ATP10B: variants seen among roughly 807,000 people sequenced by gnomAD.
ATP10B encodes the protein phospholipid-transporting ATPase VB.
Under a neutral mutation model 141.2 loss-of-function variants are expected in ATP10B, and 122 were observed. The observed-to-expected ratio is 0.86, with a 90% CI of 0.75 to 1.00. The LOEUF (loss-of-function observed/expected upper bound fraction) is 1.00. Ranked by LOEUF, ATP10B falls within the 50% of genes least tolerant of loss-of-function variation. The probability of loss-of-function intolerance (pLI) is 0.00; values close to 1 mark genes in which losing one functional copy is unlikely to be tolerated. For missense variants in ATP10B, 1,876 were observed against 1,825.3 expected, an observed-to-expected ratio of 1.03 and a Z score of -0.51; for synonymous variants, 685 against 692.0, an observed-to-expected ratio of 0.99 and a Z score of 0.16.
At chr5:160,837,663 A>C (rs547283175) in intron 1 of ATP10B, among the ~76,000 whole-genome samples, 2 of 152,290 alleles carry the variant, frequency 1.3e-5, no homozygotes, top group African/African-American at 4.8e-5. Flanking sequence ...TTTGCAAAGA[A>C]GTCATCCTAC....
chr5:160,870,044 G>C, the ATP10B span, among the ~76,000 whole-genome samples: 1 of 152,122 alleles, frequency 6.6e-6, no homozygotes, highest in Non-Finnish European at 1.5e-5. Context: ...TAAACTGTTG[G>C]AATATGATCA....
intron 2 of ATP10B, among the ~76,000 whole-genome samples, chr5:160,770,759 T>C (rs551046827): frequency 1.3e-5 from 2 of 152,314 alleles, no homozygotes; most frequent in Non-Finnish European, 2.9e-5. Context: ...AAATAGTTGA[T>C]CTAAATAGTA....
intron 2 of ATP10B, among the ~76,000 whole-genome samples, chr5:160,726,102 C>T (rs529016711): frequency 2.6e-5 from 4 of 152,222 alleles, no homozygotes; most frequent in African/African-American, 4.8e-5. Context: ...CTGAGAGACG[C>T]GCGAGCCTAA....
Position 160,612,735 on chromosome 5 carries a change from C to A in ATP10B, c.2838+6G>T. 6.2e-7 allele frequency: 1 copy of A among 1,606,654 alleles called. No homozygotes were observed. The highest frequency in any genetic ancestry group is 8.5e-7 in the Non-Finnish European group (1 of 1,173,918). On this transcript the variant is annotated splice_donor_region_variant and intron_variant, in intron 18 of 25. Coordinates refer to ENST00000327245, the MANE Select transcript of ATP10B (RefSeq NM_025153.3). Reference sequence around the variant, plus strand: ...CTGCAGATATCAATACAGAGAATCACCTCACCTGATTCTCTGTATTGATGG... The same window carrying A: ...CTGCAGATATCAATACAGAGAATCAACTCACCTGATTCTCTGTATTGATGG...
At chr5:160,754,630 A>G (rs1768387760) in intron 2 of ATP10B, among the ~76,000 whole-genome samples, 2 of 152,236 alleles carry the variant, frequency 1.3e-5, no homozygotes, top group African/African-American at 4.8e-5. Flanking sequence ...CAAGGCCACC[A>G]ATGTCACCAA....
chr5:160,718,467 T>C (rs1480336687), intron 2 of ATP10B, among the ~76,000 whole-genome samples: 6 of 152,232 alleles, frequency 3.9e-5, no homozygotes, highest in Admixed American at 6.5e-5. Flanking sequence ...GGTCTCAGAA[T>C]ATCAGAGACT....
In ATP10B at chr5:160,688,780, G is replaced by C; in HGVS notation, c.-41C>G. The stretch of plus-strand genomic sequence containing the variant: ...CTCACCTGTGGCCGGAACCTCAAAG[G>C]AGAGTGATAAGTAGAATAGATGGGA... On this transcript the variant is annotated 5_prime_UTR_variant, in exon 4 of 26. Coordinates refer to ENST00000327245, the MANE Select transcript of ATP10B (RefSeq NM_025153.3). 1.0e-6 allele frequency: 1 copy of C among 985,466 alleles called. No individual in the cohort carries two copies. The highest frequency in any genetic ancestry group is 1.2e-6 in the Non-Finnish European group (1 of 829,940). The allele number at this position is 985,466 out of a possible 1,614,324, so 61.0% of individuals were successfully genotyped here. A position where few individuals can be genotyped will look rare whatever the true frequency, so the allele number is the denominator to read the frequency against.
At chr5:160,577,075 A>G (rs1023939082) in intron 24 of ATP10B, among the ~76,000 whole-genome samples, 13 of 152,220 alleles carry the variant, frequency 8.5e-5, no homozygotes, top group African/African-American at 3.1e-4. Flanking sequence ...AATCTGAGGA[A>G]TATGGCATTG....
rs781342192 is a variant in ATP10B at position 160,565,631 on chromosome 5, C to G, written c.4208G>C (p.Cys1403Ser). ...VEESVLHEQR[C>S]GTECMRDDSC... is the part of the protein sequence containing the mutation. ...GTCATCCCTCATGCACTCCGTGCCA[C>G]ATCTCTGTTCGTGGAGTACTGACTC... is the stretch of plus-strand genomic sequence containing the variant. The change falls in exon 26 of 26, where the codon TGT becomes TCT. Residue 1403 changes from cysteine (C) to serine (S), a missense_variant. Cys to Ser is a moderately radical substitution (Grantham distance 112, BLOSUM62 -1). Transcript: ENST00000327245. The G allele has an allele frequency of 2.5e-6, 4 of 1,614,136 alleles. No homozygotes were observed. The East Asian group carries it at 8.9e-5, about 36-fold the overall frequency.
At chr5:160,714,855 T>G (rs1250058211) in intron 3 of ATP10B, among the ~76,000 whole-genome samples, 2 of 147,594 alleles carry the variant, frequency 1.4e-5, no homozygotes, top group Non-Finnish European at 3.0e-5. Context: ...CAGCTGCAGG[T>G]CTGTTGGAAT....
At chr5:160,605,249 G>T (rs1757315180) in intron 19 of ATP10B, among the ~76,000 whole-genome samples, 1 of 152,156 alleles carries the variant, frequency 6.6e-6, no homozygotes, top group Non-Finnish European at 1.5e-5. Flanking sequence ...ATGGGAGGGA[G>T]AGAATGATTC....
rs569175212 is a variant in ATP10B, at chr5:160,660,718, T to A, written c.675+9745A>T. Among the ~76,000 whole-genome samples the A allele has an allele frequency of 2.8e-3, 425 of 152,328 alleles. 1 individual carries two copies. Among genetic ancestry groups the A allele is most frequent in the South Asian group, 3.5e-3 (17 of 4,828 alleles). On this transcript the variant is annotated intron_variant, in intron 7 of 25. Coordinates refer to ENST00000327245, the MANE Select transcript of ATP10B (RefSeq NM_025153.3). ...TGAAAAAAGATAGATGTTTGTGCCT[T>A]GAGATGGTAGCACACTGCAGTTCCT...
chr5:160,629,941 G>A (rs900005695), intron 13 of ATP10B, among the ~76,000 whole-genome samples: 1 of 152,172 alleles, frequency 6.6e-6, no homozygotes, highest in Non-Finnish European at 1.5e-5. Context: ...AGTATTTTCA[G>A]GTGGTGAAAG....
intron 18 of ATP10B, chr5:160,612,055 C>G (rs1007864257): frequency 5.3e-5 from 8 of 152,250 alleles, no homozygotes; most frequent in African/African-American, 1.9e-4. Flanking sequence ...CCAGTCTTCT[C>G]TCCAAACCTC....
chr5:160,927,770 T>C, the ATP10B span, among the ~76,000 whole-genome samples: 3 of 152,144 alleles, frequency 2.0e-5, no homozygotes, highest in Non-Finnish European at 4.4e-5. Flanking sequence ...TTTGTGCTAA[T>C]GGGAGAGTTA....
chr5:160,880,862 A>G, the ATP10B span, among the ~76,000 whole-genome samples: 2 of 152,196 alleles, frequency 1.3e-5, no homozygotes, highest in African/African-American at 4.8e-5. Context: ...GAGAAAACCT[A>G]GATGACCCCA....
chr5:160,894,265 C>T, the ATP10B span, among the ~76,000 whole-genome samples: 2 of 152,116 alleles, frequency 1.3e-5, no homozygotes, highest in South Asian at 2.1e-4. Context: ...CGAGCTAAAG[C>T]AGCATGTTCT....
At chr5:160,867,191 C>T in the ATP10B span, among the ~76,000 whole-genome samples, 1 of 65,622 alleles carries the variant, frequency 1.5e-5, no homozygotes, top group Non-Finnish European at 4.5e-5. Context: ...ATGAGAGTCT[C>T]ATATATATGC....
At chr5:160,610,208 G>A (rs1465670580) in intron 18 of ATP10B, among the ~76,000 whole-genome samples, 1 of 152,176 alleles carries the variant, frequency 6.6e-6, no homozygotes, top group Admixed American at 6.5e-5. Context: ...TAAAAAGACA[G>A]TGGCTTCCAA....
Sources: gnomAD v4.1 joint callset for allele counts (sites outside exome capture counted in the v4.1 genomes callset) on GRCh38, gnomAD v4.1.1 for gene constraint, MANE v1.5 for transcripts, NCBI Gene and HGNC (gene_info 2026-07-23, HGNC 2026-07-21) for gene names.